COL13A1: variants seen among roughly 807,000 people sequenced by gnomAD.
The protein encoded by COL13A1 is collagen alpha-1(XIII) chain.
In COL13A1, 89 loss-of-function variants were observed where a neutral mutation model predicts 130.9. The observed-to-expected ratio is 0.68, with a 90% CI of 0.57 to 0.81. COL13A1 has a LOEUF of 0.81. Ranked by LOEUF, COL13A1 falls within the 30% of genes least tolerant of loss-of-function variation. The pLI, the probability that COL13A1 is intolerant of heterozygous loss-of-function variation, is 0.00. For synonymous variants in COL13A1, 402 were observed against 341.6 expected, an observed-to-expected ratio of 1.18 and a Z score of -1.95; for missense variants, 879 against 934.6, an observed-to-expected ratio of 0.94 and a Z score of 0.78.
chr10:69,916,077 A>G (rs1713850796), intron 17 of COL13A1, among the ~76,000 whole-genome samples: 1 of 152,236 alleles, frequency 6.6e-6, no homozygotes, highest in Admixed American at 6.5e-5. Context: ...TCACGGAGGA[A>G]GAGGGTGGAA....
chr10:69,896,606 A>T (rs1384148079), intron 13 of COL13A1, among the ~76,000 whole-genome samples: 1 of 152,120 alleles, frequency 6.6e-6, no homozygotes, highest in African/African-American at 2.4e-5. Flanking sequence ...TTGACTCTAG[A>T]AGGCTGTCAG....
chr10:69,903,626 G>A (rs1462948146), intron 15 of COL13A1, among the ~76,000 whole-genome samples: 1 of 152,224 alleles, frequency 6.6e-6, no homozygotes, highest in African/African-American at 2.4e-5. Flanking sequence ...TGGAGAGGCA[G>A]GTAAAGGGCA....
At chr10:69,907,813 CAAT>C (rs1434428155) in intron 17 of COL13A1, among the ~76,000 whole-genome samples, 1 of 152,228 alleles carries the variant, frequency 6.6e-6, no homozygotes, top group African/African-American at 2.4e-5. Flanking sequence ...TTCACTCCCA[CAAT>C]AACTAACCCG....
chr10:69,891,753 C>G (rs1351864298), intron 10 of COL13A1, among the ~76,000 whole-genome samples: 1 of 152,194 alleles, frequency 6.6e-6, no homozygotes, highest in African/African-American at 2.4e-5. Flanking sequence ...CATGGCCCCC[C>G]AGAAGTAATA....
intron 1 of COL13A1, among the ~76,000 whole-genome samples, chr10:69,813,393 A>T (rs7088371): frequency 0.26 from 39,523 of 152,074 alleles, 5,406 homozygotes; most frequent in African/African-American, 0.32. Flanking sequence ...TGCAAAGCTC[A>T]CATAGGGGTA....
chr10:69,942,609 C>A (rs564503246), intron 35 of COL13A1, among the ~76,000 whole-genome samples: 36 of 152,322 alleles, frequency 2.4e-4, no homozygotes, highest in Middle Eastern at 3.4e-3. Context: ...ATAAGCCTTC[C>A]CTGCCAATAT....
chr10:69,829,399 C>T, intron 2 of COL13A1: 1 of 409,110 alleles, frequency 2.4e-6, no homozygotes, highest in Non-Finnish European at 3.3e-6. Flanking sequence ...GCTCTGACCC[C>T]CCTCGCCATG....
intron 35 of COL13A1, 59 bp from the exon 36 acceptor site, chr10:69,944,066 G>A (rs1589690895): frequency 6.8e-7 from 1 of 1,463,842 alleles, no homozygotes; most frequent in South Asian, 1.2e-5. Context: ...ATCAGGTGGG[G>A]CACCCAGGGC....
chr10:69,869,451 A>G (rs1330542502), intron 3 of COL13A1, among the ~76,000 whole-genome samples: 1 of 152,234 alleles, frequency 6.6e-6, no homozygotes, highest in African/African-American at 2.4e-5. Flanking sequence ...GCTGGTGGCC[A>G]GAGAGAGGGG....
chr10:69,888,055 C>G (rs1333186909), intron 8 of COL13A1, among the ~76,000 whole-genome samples: 1 of 152,192 alleles, frequency 6.6e-6, no homozygotes, highest in African/African-American at 2.4e-5. Flanking sequence ...AATGGGGAGG[C>G]CACCCATTGG....
intron 5 of COL13A1, chr10:69,877,695 TCTCTCACACACA>T (rs1309058505): frequency 8.0e-5 from 9 of 112,232 alleles, no homozygotes; most frequent in African/African-American, 2.6e-4. Flanking sequence ...TCTCTCTCTC[TCTCTCACACACA>T]CACACACACA....
chr10:69,957,363 T>C (rs542380542), intron 40 of COL13A1, among the ~76,000 whole-genome samples: 180 of 152,372 alleles, frequency 1.2e-3, no homozygotes, highest in South Asian at 4.8e-3. Context: ...ATCACACTCA[T>C]AGAGTTCCTC....
intron 7 of COL13A1, among the ~76,000 whole-genome samples, chr10:69,885,463 A>G (rs1219162432): frequency 3.9e-5 from 6 of 152,214 alleles, no homozygotes; most frequent in Non-Finnish European, 7.3e-5. Flanking sequence ...TGCCTTTCCC[A>G]GGCCCAGCCC....
At position 69,855,514 on chromosome 10, in the gene COL13A1, TAAC is replaced by T. The variant is rs1249471903; in HGVS notation, c.365-12283_365-12281del. ...AACACTCCATATTATAATGAACTAA[TAAC>T]TAATAATTAGTAATTAGCTAATTAC... On this transcript the variant is annotated intron_variant, in intron 2 of 40. Coordinates refer to ENST00000645393, the MANE Select transcript of COL13A1 (RefSeq NM_001368882.1). Among the ~76,000 whole-genome samples, 7 of 152,316 alleles carry T rather than the reference TAAC, an allele frequency of 4.6e-5. No homozygotes were observed. The South Asian group carries it at 1.2e-3, about 27-fold the overall frequency.
chr10:69,844,004 G>A (rs533931528), intron 2 of COL13A1, among the ~76,000 whole-genome samples: 10 of 152,150 alleles, frequency 6.6e-5, no homozygotes, highest in East Asian at 1.9e-4. Context: ...AGTCTTTATC[G>A]TCCAGGAGAG....
At position 69,871,955 on chromosome 10, in the gene COL13A1, A is replaced by G. The variant is rs188727365; in HGVS notation, c.373-229A>G. Among the ~76,000 whole-genome samples, 376 of 152,364 alleles carry G rather than the reference A, an allele frequency of 2.5e-3. 1 individual carries two copies. The highest frequency in any genetic ancestry group is 4.2e-3 in the Non-Finnish European group (283 of 68,030). ...GATACTTGCTAAAGGTTACCCAAGT[A>G]GTAAGTGGCAGAGCCAAGAGGTGAA... is the stretch of plus-strand genomic sequence containing the variant. On this transcript the variant is annotated intron_variant, in intron 3 of 40. Coordinates refer to ENST00000645393, the MANE Select transcript of COL13A1 (RefSeq NM_001368882.1).
At chr10:69,896,756 G>A (rs929529386) in intron 13 of COL13A1, among the ~76,000 whole-genome samples, 10 of 152,166 alleles carry the variant, frequency 6.6e-5, no homozygotes, top group African/African-American at 1.9e-4. Context: ...GGCTACGGCG[G>A]TGCTGGGCCC....
chr10:69,819,365 TATGA>T (rs1845444768), intron 1 of COL13A1, among the ~76,000 whole-genome samples: 3 of 152,186 alleles, frequency 2.0e-5, no homozygotes, highest in African/African-American at 7.2e-5. Flanking sequence ...AGTGGAGGTC[TATGA>T]GTAGATGACT....
intron 1 of COL13A1, 41 bp from the exon 2 acceptor site, chr10:69,822,328 A>G (rs1412381827): frequency 2.0e-6 from 3 of 1,504,528 alleles, no homozygotes; most frequent in Non-Finnish European, 2.7e-6. Flanking sequence ...CTTGGTGTCT[A>G]CGAGCTCCTG....
Sources: gnomAD v4.1 joint callset for allele counts (sites outside exome capture counted in the v4.1 genomes callset) on GRCh38, gnomAD v4.1.1 for gene constraint, MANE v1.5 for transcripts, NCBI Gene and HGNC (gene_info 2026-07-23, HGNC 2026-07-21) for gene names.